DLC1: variants seen among roughly 807,000 people sequenced by gnomAD.
DLC1 encodes rho GTPase-activating protein 7.
Under a neutral mutation model 140.3 loss-of-function variants are expected in DLC1, and 54 were observed. The observed-to-expected ratio is 0.38, with a 90% confidence interval of 0.31 to 0.48. DLC1 has a LOEUF of 0.48. Ranked by LOEUF, DLC1 falls within the 20% of genes least tolerant of loss-of-function variation. DLC1 has a pLI of 0.96. For missense variants in DLC1, 2,536 were observed against 1,907.0 expected (o/e 1.33, Z -6.14); for synonymous variants, 986 against 728.1 (o/e 1.35, Z -5.70).
intron 5 of DLC1, among the ~76,000 whole-genome samples, chr8:13,302,517 T>C (rs1264593338): frequency 6.6e-6 from 1 of 152,144 alleles, no homozygotes; most frequent in Admixed American, 6.6e-5. Context: ...AGAAGATAGC[T>C]ACTTACAGCA....
intron 1 of DLC1, among the ~76,000 whole-genome samples, chr8:13,550,232 A>G (rs935562121): frequency 2.0e-5 from 3 of 152,002 alleles, no homozygotes; most frequent in African/African-American, 7.2e-5. Flanking sequence ...GTCTCGAAAG[A>G]TCTGATGGTT....
chr8:13,418,698 C>G lies in DLC1; in HGVS notation c.1024-17079G>C, dbSNP rs888934123. ...CTTAGGATTGACTTGGCGATGCGGG[C>G]TCTTTTTTGGTTCCATATGAACTTT... On this transcript the variant is annotated intron_variant, in intron 2 of 17. Coordinates refer to ENST00000276297, the MANE Select transcript of DLC1 (RefSeq NM_182643.3). 1.8e-3 allele frequency among the ~76,000 whole-genome samples: 273 copies of G among 152,178 alleles called. 1 individual carries two copies. Among genetic ancestry groups the G allele is most frequent in the African/African-American group, 6.4e-3 (265 of 41,514 alleles).
chr8:13,086,235 G>C (rs1817546198), intron 17 of DLC1, 55 bp downstream of exon 17: 39 of 1,568,820 alleles, frequency 2.5e-5, no homozygotes, highest in Non-Finnish European at 3.4e-5. Context: ...TAGACAAAAA[G>C]TCAGAATTTC....
intron 5 of DLC1, chr8:13,214,893 C>T: frequency 3.0e-6 from 2 of 676,798 alleles, no homozygotes; most frequent in Non-Finnish European, 5.3e-6. Context: ...GCGCCTTGCT[C>T]CATGACTGGG....
chr8:13,188,493 G>T (rs1235725968), intron 5 of DLC1, among the ~76,000 whole-genome samples: 1 of 149,030 alleles, frequency 6.7e-6, no homozygotes, highest in East Asian at 1.9e-4. Flanking sequence ...TTTGGGAGTT[G>T]AGAGGGACTT....
intron 5 of DLC1, among the ~76,000 whole-genome samples, chr8:13,215,087 C>T (rs1027268995): frequency 6.6e-6 from 1 of 152,280 alleles, no homozygotes; most frequent in Admixed American, 6.5e-5. Flanking sequence ...AGGATTATAA[C>T]CATGAACAAA....
intron 4 of DLC1, among the ~76,000 whole-genome samples, chr8:13,344,460 T>C (rs1834224369): frequency 1.3e-5 from 2 of 152,144 alleles, no homozygotes; most frequent in African/African-American, 2.4e-5. Flanking sequence ...GCCGTTGCAC[T>C]CTAGCCTGGG....
rs575744906 is a variant in DLC1, at chr8:13,401,675, A to G, written c.1024-56T>C. The G allele has an allele frequency of 5.1e-6, 8 of 1,573,186 alleles. 1 individual carries two copies. The South Asian group carries it at 9.4e-5, about 18-fold the overall frequency. On this transcript the variant is annotated intron_variant, in intron 2 of 17. Transcript: ENST00000276297. ...TGAAAGGCCATTTCTTAATAAGAATAAAAAGTTCCCTGTTCTTCAATGTGA... is the reference window on the plus strand; with the variant it reads ...TGAAAGGCCATTTCTTAATAAGAATGAAAAGTTCCCTGTTCTTCAATGTGA...
At chr8:13,470,603 A>C (rs1800159926) in intron 2 of DLC1, among the ~76,000 whole-genome samples, 1 of 152,200 alleles carries the variant, frequency 6.6e-6, no homozygotes, top group Non-Finnish European at 1.5e-5. Context: ...TATTAGAATA[A>C]GTGTTGGTGA....
At position 13,188,841 on chromosome 8, in the gene DLC1, ATATTTTTT is replaced by A. The variant is rs1563149869; in HGVS notation, c.1349-73192_1349-73185del. ...TATATATATATGTATATATATATAT[ATATTTTTT>A]TTTTTTTTTTTTTTTTTTTTTAGTG... On this transcript the variant is annotated intron_variant, in intron 5 of 17. Transcript: ENST00000276297. Among the ~76,000 whole-genome samples the A allele has an allele frequency of 3.8e-3, 102 of 26,534 alleles. 1 individual carries two copies. Among genetic ancestry groups the A allele is most frequent in the African/African-American group, 0.012 (95 of 8,194 alleles). 17.4% of individuals were successfully genotyped at this position (26,534 alleles called of 152,430 possible).
intron 2 of DLC1, among the ~76,000 whole-genome samples, chr8:13,498,407 G>T (rs1801613884): frequency 6.6e-6 from 1 of 152,160 alleles, no homozygotes. Context: ...AGGGGCTGTA[G>T]CATAAAACAT....
intron 1 of DLC1, chr8:13,558,309 G>C (rs977717019): frequency 6.6e-6 from 1 of 152,194 alleles, no homozygotes; most frequent in Non-Finnish European, 1.5e-5. Context: ...CAAGGGCTTG[G>C]AGAAGGGATT....
chr8:13,177,993 T>C (rs1004653495), intron 5 of DLC1, among the ~76,000 whole-genome samples: 1 of 152,208 alleles, frequency 6.6e-6, no homozygotes, highest in African/African-American at 2.4e-5. Flanking sequence ...TAATAAGATA[T>C]ATTTGATTCT....
rs1404179579 is a variant in DLC1, at chr8:13,100,165, G to A, written c.2172C>T (p.Ile724=). 1.2e-6 allele frequency: 2 copies of A among 1,613,622 alleles called. No homozygotes were observed. Among genetic ancestry groups the A allele is most frequent in the South Asian group, 2.2e-5 (2 of 91,040 alleles). The part of the protein sequence containing the change: ...VEISALNGNR[I]NVPMVRKRSV... ...TCCTCTTTCGTACCATGGGGACGTT[G>A]ATGCGGTTGCCATTGAGGGCGGAGA... is the stretch of plus-strand genomic sequence containing the variant. The change falls in exon 9 of 18, where the codon ATC becomes ATT. Residue 724 remains isoleucine, a synonymous_variant. Coordinates refer to ENST00000276297, the MANE Select transcript of DLC1 (RefSeq NM_182643.3).
At chr8:13,239,347 T>C (rs1829444671) in intron 5 of DLC1, among the ~76,000 whole-genome samples, 1 of 152,004 alleles carries the variant, frequency 6.6e-6, no homozygotes, top group Admixed American at 6.6e-5. Flanking sequence ...AGATGGGAAT[T>C]GCTACGAGAT....
At chr8:13,322,464 C>T (rs990910015) in intron 4 of DLC1, among the ~76,000 whole-genome samples, 15 of 139,048 alleles carry the variant, frequency 1.1e-4, no homozygotes, top group African/African-American at 3.9e-4. Flanking sequence ...TTACTTATAA[C>T]CTTGGATTTC....
intron 3 of DLC1, among the ~76,000 whole-genome samples, chr8:13,399,579 G>T (rs1371900718): frequency 6.6e-6 from 1 of 152,106 alleles, no homozygotes; most frequent in Admixed American, 6.5e-5. Flanking sequence ...GGCTATCTCA[G>T]CGAGCCCTAA....
rs113414229 is a variant in DLC1, at chr8:13,231,156, A to G, written c.1348+74113T>C. Among the ~76,000 whole-genome samples, 90 of 152,218 alleles carry G rather than the reference A, an allele frequency of 5.9e-4. 1 individual carries two copies. The highest frequency in any genetic ancestry group is 2.1e-3 in the African/African-American group (86 of 41,526). On this transcript the variant is annotated intron_variant, in intron 5 of 17. Transcript: ENST00000276297. Reference sequence around the variant, plus strand: ...ATTACAAATAAGTCCCTGGCCTTCAAGTTCTTTAAATTCTTAGTTTTATTT... The same window carrying G: ...ATTACAAATAAGTCCCTGGCCTTCAGGTTCTTTAAATTCTTAGTTTTATTT...
chr8:13,394,114 C>CA (rs1836903120), intron 3 of DLC1, among the ~76,000 whole-genome samples: 1 of 152,188 alleles, frequency 6.6e-6, no homozygotes, highest in South Asian at 2.1e-4. Flanking sequence ...ATTTCAAATA[C>CA]AAAGAGAGTT....
Sources: gnomAD v4.1 joint callset for allele counts (sites outside exome capture counted in the v4.1 genomes callset) on GRCh38, gnomAD v4.1.1 for gene constraint, MANE v1.5 for transcripts, NCBI Gene and HGNC (gene_info 2026-07-23, HGNC 2026-07-21) for gene names.